The following SYNDIG1 variants were observed in gnomAD, a reference collection of about 807,000 sequenced individuals.
SYNDIG1 encodes the protein synapse differentiation inducing 1, also known as synapse differentiation-inducing gene protein 1.
In SYNDIG1, 9 loss-of-function variants were observed where a neutral mutation model predicts 19.4. The observed-to-expected ratio is 0.46, with a 90% confidence interval of 0.28 to 0.81. The LOEUF (loss-of-function observed/expected upper bound fraction) is 0.81, where lower values mean the gene tolerates loss of function less well. Among genes scored for constraint, SYNDIG1 ranks in the 30% least tolerant of loss-of-function variants. The pLI is 0.12. For missense variants in SYNDIG1, 311 were observed against 343.3 expected (o/e 0.91, Z 0.74); for synonymous variants, 141 against 145.9 (o/e 0.97, Z 0.24).
intron 1 of SYNDIG1, among the ~76,000 whole-genome samples, chr20:24,522,093 G>A (rs1445213332): frequency 1.3e-5 from 2 of 151,594 alleles, no homozygotes; most frequent in African/African-American, 4.8e-5. Context: ...TTTCTTTTTA[G>A]AGATGGAGTC....
intron 1 of SYNDIG1, among the ~76,000 whole-genome samples, chr20:24,498,768 C>T (rs1045037537): frequency 6.6e-6 from 1 of 152,178 alleles, no homozygotes; most frequent in African/African-American, 2.4e-5. Context: ...GTAAGGTTGA[C>T]CAGTGTTCCG....
At chr20:24,503,021 T>C (rs2056493639) in intron 1 of SYNDIG1, among the ~76,000 whole-genome samples, 1 of 152,234 alleles carries the variant, frequency 6.6e-6, no homozygotes, top group Non-Finnish European at 1.5e-5. Flanking sequence ...CCATCACACT[T>C]CCAAGTTTCA....
At chr20:24,566,192 C>T (rs568585490) in intron 2 of SYNDIG1, among the ~76,000 whole-genome samples, 1 of 152,274 alleles carries the variant, frequency 6.6e-6, no homozygotes, top group South Asian at 2.1e-4. Flanking sequence ...TGAAGGCCTG[C>T]TGGCTGCCAC....
chr20:24,660,558 T>C (rs2059573514), intron 3 of SYNDIG1, among the ~76,000 whole-genome samples: 1 of 152,174 alleles, frequency 6.6e-6, no homozygotes, highest in South Asian at 2.1e-4. Flanking sequence ...TGTCTGCCCC[T>C]GTGGACAAGG....
At chr20:24,588,423 G>A (rs563975489) in intron 3 of SYNDIG1, among the ~76,000 whole-genome samples, 1 of 152,358 alleles carries the variant, frequency 6.6e-6, no homozygotes, top group East Asian at 1.9e-4. Context: ...CTGTGCGCCA[G>A]GTTCAGCGCT....
chr20:24,493,413 CT>C (rs1456501046), intron 1 of SYNDIG1, among the ~76,000 whole-genome samples: 1 of 152,074 alleles, frequency 6.6e-6, no homozygotes, highest in Non-Finnish European at 1.5e-5. Flanking sequence ...CACACACATG[CT>C]TGGCACACAC....
intron 3 of SYNDIG1, among the ~76,000 whole-genome samples, chr20:24,653,865 C>T (rs948110597): frequency 3.9e-5 from 6 of 152,188 alleles, no homozygotes; most frequent in Non-Finnish European, 7.4e-5. Context: ...GGTCTGTGTC[C>T]CTGTCATCTC....
chr20:24,648,719 G>A (rs543295777), intron 3 of SYNDIG1, among the ~76,000 whole-genome samples: 268 of 152,318 alleles, frequency 1.8e-3, no homozygotes, highest in Non-Finnish European at 3.2e-3. Context: ...CTTAGAAGGA[G>A]CCAAGTGTTA....
chr20:24,507,081 GC>G, intron 1 of SYNDIG1, among the ~76,000 whole-genome samples: 2 of 152,314 alleles, frequency 1.3e-5, no homozygotes, highest in East Asian at 1.9e-4. Flanking sequence ...TGGGAAGTGA[GC>G]TTTTAGGGAG....
At chr20:24,599,651 C>T (rs1297287823) in intron 3 of SYNDIG1, among the ~76,000 whole-genome samples, 1 of 152,070 alleles carries the variant, frequency 6.6e-6, no homozygotes. Context: ...ACGATTTGGC[C>T]ATAACAAAGA....
At chr20:24,627,457 T>TA (rs2059167067) in intron 3 of SYNDIG1, among the ~76,000 whole-genome samples, 1 of 152,200 alleles carries the variant, frequency 6.6e-6, no homozygotes, top group African/African-American at 2.4e-5. Context: ...GGGTGAGGCC[T>TA]GGGTGCTTGG....
At chr20:24,524,624 C>T (rs1357214202) in intron 1 of SYNDIG1, among the ~76,000 whole-genome samples, 25 of 150,176 alleles carry the variant, frequency 1.7e-4, no homozygotes, top group Admixed American at 1.3e-3. Context: ...CCAGCCTGGG[C>T]GACAGAGCGA....
intron 3 of SYNDIG1, among the ~76,000 whole-genome samples, chr20:24,631,689 G>A (rs545473030): frequency 4.6e-5 from 7 of 152,184 alleles, no homozygotes; most frequent in Non-Finnish European, 8.8e-5. Context: ...CAAACATATC[G>A]GAAAAATTTC....
chr20:24,545,883 A>T (rs1224068757), intron 2 of SYNDIG1, among the ~76,000 whole-genome samples: 2 of 152,218 alleles, frequency 1.3e-5, no homozygotes, highest in Non-Finnish European at 1.5e-5. Context: ...TTTTGAATAT[A>T]ACGTAAGATG....
chr20:24,471,353 G>C (rs1307821386), intron 1 of SYNDIG1, among the ~76,000 whole-genome samples: 1 of 152,072 alleles, frequency 6.6e-6, no homozygotes, highest in Admixed American at 6.6e-5. Flanking sequence ...AACTGAAGTC[G>C]AATTTTTAGT....
intron 3 of SYNDIG1, among the ~76,000 whole-genome samples, chr20:24,585,292 G>T (rs1032895629): frequency 6.6e-6 from 1 of 152,352 alleles, no homozygotes; most frequent in East Asian, 1.9e-4. Context: ...CATGGCCTTT[G>T]GGAGGCTGTC....
In SYNDIG1 at chr20:24,505,341, G is replaced by A. The variant is rs541611982; in HGVS notation, c.-79+35588G>A. On this transcript the variant is annotated intron_variant, in intron 1 of 3. Coordinates refer to ENST00000376862, the MANE Select transcript of SYNDIG1 (RefSeq NM_024893.3). ...TGCCCAGGGTGTCATATTTGTCTGA[G>A]GTCAGGCCTGGTGGGCAGAGGCGGT... is the stretch of plus-strand genomic sequence containing the variant. 6.6e-5 allele frequency among the ~76,000 whole-genome samples: 10 copies of A among 152,274 alleles called. No individual in the cohort carries two copies. The South Asian group carries it at 1.2e-3, about 19-fold the overall frequency.
intron 1 of SYNDIG1, among the ~76,000 whole-genome samples, chr20:24,485,567 A>G (rs189542398): frequency 6.6e-6 from 1 of 152,348 alleles, no homozygotes; most frequent in African/African-American, 2.4e-5. Flanking sequence ...TAATTTTGAT[A>G]TAATTTGGAT....
At chr20:24,522,061 T>C (rs1256712960) in intron 1 of SYNDIG1, among the ~76,000 whole-genome samples, 1 of 152,094 alleles carries the variant, frequency 6.6e-6, no homozygotes, top group Non-Finnish European at 1.5e-5. Context: ...CTGACAGCTG[T>C]GTTCATCCTG....
Sources: allele counts gnomAD v4.1 joint callset (sites outside exome capture counted in the v4.1 genomes callset), GRCh38; gene constraint gnomAD v4.1.1; transcripts MANE v1.5; gene names NCBI Gene and HGNC (gene_info 2026-07-23, HGNC 2026-07-21).